CDKAL1: variants seen among roughly 807,000 people sequenced by gnomAD.
The protein encoded by CDKAL1 is threonylcarbamoyladenosine tRNA methylthiotransferase.
In CDKAL1, 32 loss-of-function variants were observed where a neutral mutation model predicts 68.2. The ratio of observed to expected loss-of-function variants is 0.47; its 90% confidence interval spans 0.35 to 0.63. The LOEUF (loss-of-function observed/expected upper bound fraction) is 0.63, where lower values mean the gene tolerates loss of function less well. CDKAL1 is among the 30% of genes least tolerant of loss of function. The probability of loss-of-function intolerance (pLI) is 0.00; values close to 1 mark genes in which losing one functional copy is unlikely to be tolerated. For missense variants in CDKAL1, 606 were observed against 696.7 expected, an observed-to-expected ratio of 0.87 and a Z score of 1.47; for synonymous variants, 234 against 244.3, an observed-to-expected ratio of 0.96 and a Z score of 0.39.
At chr6:20,903,176 G>C (rs527499126) in intron 9 of CDKAL1, among the ~76,000 whole-genome samples, 1 of 152,192 alleles carries the variant, frequency 6.6e-6, no homozygotes, top group East Asian at 1.9e-4. Flanking sequence ...CACTCTCTCT[G>C]TCACTCCTGC....
intron 11 of CDKAL1, among the ~76,000 whole-genome samples, chr6:21,048,048 C>T (rs896315898): frequency 5.3e-5 from 8 of 152,190 alleles, no homozygotes; most frequent in Non-Finnish European, 8.8e-5. Context: ...TCAACTCACC[C>T]TGGAGTGTTC....
chr6:20,739,586 G>A lies in CDKAL1; in HGVS notation c.439G>A (p.Asp147Asn), dbSNP rs572119016. ...CGTTCCTCAAGCCCAGCCTCGCCAG[G>A]ACTACCTTAAGGGACTGAGTATCAT... ...GCVPQAQPRQ[D>N]YLKGLSIIGV... The change falls in exon 6 of 16, where the codon GAC becomes AAC. Residue 147 changes from aspartate (D) to asparagine (N), a missense_variant. Coordinates refer to ENST00000274695, the MANE Select transcript of CDKAL1 (RefSeq NM_017774.3). 6.2e-7 allele frequency: 1 copy of A among 1,612,658 alleles called. No homozygotes were observed. The highest frequency in any genetic ancestry group is 2.2e-5 in the East Asian group (1 of 44,854).
At chr6:20,774,425 G>T (rs150885753) in intron 7 of CDKAL1, among the ~76,000 whole-genome samples, 3 of 152,190 alleles carry the variant, frequency 2.0e-5, no homozygotes, top group Admixed American at 1.3e-4. Flanking sequence ...CTTTATGTTC[G>T]GGGAGGTGGT....
At chr6:20,690,051 T>A (rs997276184) in intron 5 of CDKAL1, among the ~76,000 whole-genome samples, 1 of 152,216 alleles carries the variant, frequency 6.6e-6, no homozygotes, top group Non-Finnish European at 1.5e-5. Flanking sequence ...TGTATCTCCT[T>A]GTGTAATGGT....
chr6:20,613,095 T>C (rs964990162), intron 4 of CDKAL1, among the ~76,000 whole-genome samples: 2 of 151,672 alleles, frequency 1.3e-5, no homozygotes, highest in Admixed American at 6.6e-5. Context: ...CATATATATA[T>C]ACATACATAA....
chr6:20,800,176 G>A (rs4524599), intron 8 of CDKAL1, among the ~76,000 whole-genome samples: 146,042 of 152,302 alleles, frequency 0.96, 70,032 homozygotes, highest in East Asian at 1. Flanking sequence ...TTTTAAAGCA[G>A]ATTCTCATAG....
chr6:20,820,183 C>G lies in CDKAL1; in HGVS notation c.639-25892C>G, dbSNP rs929206177. Among the ~76,000 whole-genome samples, 14 of 152,256 alleles carry G rather than the reference C, an allele frequency of 9.2e-5. No homozygotes were observed. In the East Asian group the frequency reaches 2.7e-3, roughly 29 times the overall value. On this transcript the variant is annotated intron_variant, in intron 8 of 15. Coordinates refer to ENST00000274695, the MANE Select transcript of CDKAL1 (RefSeq NM_017774.3). ...GGCTGCATTGTCACCCACAGTTCCT[C>G]CCACACAAGTTGCTAGCGGAAGAGG...
intron 6 of CDKAL1, among the ~76,000 whole-genome samples, chr6:20,749,652 A>T (rs1156791893): frequency 6.6e-6 from 1 of 150,796 alleles, no homozygotes; most frequent in African/African-American, 2.4e-5. Context: ...GGTTCACGCC[A>T]TTCTCCTGCC....
chr6:21,003,389 CAT>C lies in CDKAL1; in HGVS notation c.1055+3023_1055+3024del, dbSNP rs1205765913. Among the ~76,000 whole-genome samples the C allele has an allele frequency of 3.9e-4, 40 of 101,748 alleles. 3 individuals carry two copies. The highest frequency in any genetic ancestry group is 2.9e-3 in the South Asian group (9 of 3,116). The allele number at this position is 101,748 out of a possible 152,430, so 66.8% of individuals were successfully genotyped here. On this transcript the variant is annotated intron_variant, in intron 11 of 15. Coordinates refer to ENST00000274695, the MANE Select transcript of CDKAL1 (RefSeq NM_017774.3). The stretch of plus-strand genomic sequence containing the variant: ...ATATATATACACACACACACACACA[CAT>C]ATATACACACATACCTACACAAAAA...
At chr6:21,078,232 T>C (rs557077674) in intron 12 of CDKAL1, among the ~76,000 whole-genome samples, 1 of 152,340 alleles carries the variant, frequency 6.6e-6, no homozygotes, top group Admixed American at 6.5e-5. Flanking sequence ...GAACATTGTC[T>C]GGCTTTTCGA....
intron 9 of CDKAL1, among the ~76,000 whole-genome samples, chr6:20,947,071 C>G (rs960830430): frequency 2.0e-5 from 3 of 152,032 alleles, no homozygotes; most frequent in African/African-American, 7.3e-5. Context: ...AGGTGTTCAA[C>G]AATTACTTGC....
intron 4 of CDKAL1, chr6:20,558,773 G>C: frequency 5.7e-6 from 2 of 353,558 alleles, no homozygotes; most frequent in Non-Finnish European, 1.1e-5. Flanking sequence ...ATTTTTAAGA[G>C]TGGAAATTGC....
chr6:20,771,038 C>G (rs1196318597), intron 7 of CDKAL1, among the ~76,000 whole-genome samples: 1 of 152,118 alleles, frequency 6.6e-6, no homozygotes, highest in Non-Finnish European at 1.5e-5. Context: ...CTGCCTTCCT[C>G]GAGACCTTAA....
chr6:20,811,550 T>C (rs191366863), intron 8 of CDKAL1, among the ~76,000 whole-genome samples: 46 of 152,308 alleles, frequency 3.0e-4, no homozygotes, highest in African/African-American at 1.1e-3. Flanking sequence ...ATCCTCATGG[T>C]GTTATTTAAT....
At chr6:21,171,459 A>G (rs1049766707) in intron 13 of CDKAL1, among the ~76,000 whole-genome samples, 18 of 151,890 alleles carry the variant, frequency 1.2e-4, no homozygotes, top group African/African-American at 4.4e-4. Context: ...TGATCCGCCC[A>G]CCTTGGCCTC....
chr6:21,224,525 AAACAAT>A (rs943228216), intron 15 of CDKAL1, among the ~76,000 whole-genome samples: 14 of 152,214 alleles, frequency 9.2e-5, no homozygotes, highest in African/African-American at 3.1e-4. Flanking sequence ...AAATAATAAT[AAACAAT>A]AACAATAATA....
intron 4 of CDKAL1, among the ~76,000 whole-genome samples, chr6:20,549,314 A>G (rs1490834646): frequency 1.3e-5 from 2 of 152,180 alleles, no homozygotes; most frequent in Non-Finnish European, 2.9e-5. Context: ...TGGCAAGCAG[A>G]GAACAGAAGC....
chr6:20,669,365 G>A (rs201562772), intron 5 of CDKAL1, among the ~76,000 whole-genome samples: 1 of 152,042 alleles, frequency 6.6e-6, no homozygotes, highest in Non-Finnish European at 1.5e-5. Flanking sequence ...ATTTATTTAT[G>A]TATTCAATTA....
intron 5 of CDKAL1, among the ~76,000 whole-genome samples, chr6:20,660,153 C>G (rs1423938827): frequency 6.6e-6 from 1 of 152,152 alleles, no homozygotes; most frequent in African/African-American, 2.4e-5. Flanking sequence ...CCTCTTAGCT[C>G]CAAGGTCTGT....
Sources: gnomAD v4.1 joint callset for allele counts (sites outside exome capture counted in the v4.1 genomes callset) on GRCh38, gnomAD v4.1.1 for gene constraint, MANE v1.5 for transcripts, NCBI Gene and HGNC (gene_info 2026-07-23, HGNC 2026-07-21) for gene names.